Variants in TENM2 observed in about 807,000 individuals in gnomAD.
The protein encoded by TENM2 is teneurin-2.
TENM2 carries 52 observed loss-of-function variants against 245.2 expected under a neutral mutation model. That is an observed-to-expected ratio of 0.21 (90% CI 0.17 to 0.27). The LOEUF (loss-of-function observed/expected upper bound fraction) is 0.27. Ranked by LOEUF, TENM2 falls within the 10% of genes least tolerant of loss-of-function variation. The pLI is 1.00. For missense variants in TENM2, 3,046 were observed against 3,666.8 expected (o/e 0.83, Z 4.37); for synonymous variants, 1,363 against 1,438.9 (o/e 0.95, Z 1.19).
At chr5:167,275,929 C>A in the TENM2 span, among the ~76,000 whole-genome samples, 2 of 152,034 alleles carry the variant, frequency 1.3e-5, no homozygotes, top group Non-Finnish European at 2.9e-5. Context: ...ACATCATTAT[C>A]TCTTTGAATT....
chr5:167,405,794 A>ACACACACACACACACACACACG (rs1258355219), intron 2 of TENM2, among the ~76,000 whole-genome samples: 1 of 151,610 alleles, frequency 6.6e-6, no homozygotes, highest in Non-Finnish European at 1.5e-5. Context: ...ACACACACAC[A>ACACACACACACACACACACACG]CACACGCACA....
intron 2 of TENM2, among the ~76,000 whole-genome samples, chr5:167,590,386 T>C (rs1775798963): frequency 6.6e-6 from 1 of 152,058 alleles, no homozygotes; most frequent in African/African-American, 2.4e-5. Context: ...TAAAAAATAA[T>C]GTTATAATGA....
chr5:167,750,326 T>C (rs756140374), intron 2 of TENM2, among the ~76,000 whole-genome samples: 17 of 152,122 alleles, frequency 1.1e-4, no homozygotes, highest in Non-Finnish European at 2.5e-4. Flanking sequence ...TGCCAGGCGT[T>C]GACAGGGTAG....
At chr5:167,837,572 T>C (rs1769115274) in intron 2 of TENM2, among the ~76,000 whole-genome samples, 1 of 152,238 alleles carries the variant, frequency 6.6e-6, no homozygotes, top group Non-Finnish European at 1.5e-5. Flanking sequence ...CATTTTTATG[T>C]ATTAAGGAGA....
chr5:167,969,123 T>C (rs1247189694), intron 4 of TENM2, among the ~76,000 whole-genome samples: 1 of 152,206 alleles, frequency 6.6e-6, no homozygotes, highest in Non-Finnish European at 1.5e-5. Context: ...GTTATCTGAA[T>C]TAAAGCCCTT....
the TENM2 span, among the ~76,000 whole-genome samples, chr5:167,101,841 A>ATATATATT: frequency 9.9e-6 from 1 of 101,090 alleles, no homozygotes; most frequent in Non-Finnish European, 1.9e-5. Context: ...ACATTTATAT[A>ATATATATT]TATATATTTA....
intron 5 of TENM2, among the ~76,000 whole-genome samples, chr5:168,042,490 C>A (rs377364908): frequency 9.9e-5 from 15 of 152,218 alleles, no homozygotes; most frequent in African/African-American, 3.6e-4. Flanking sequence ...CTAAGTGGCA[C>A]CCAGCAGGGC....
chr5:167,231,148 G>C, the TENM2 span, among the ~76,000 whole-genome samples: 31,684 of 152,148 alleles, frequency 0.21, 3,876 homozygotes, highest in African/African-American at 0.34. Flanking sequence ...TTACCAGTCT[G>C]AGGTATTTCT....
intron 1 of TENM2, among the ~76,000 whole-genome samples, chr5:167,349,073 A>C (rs1758653871): frequency 6.6e-6 from 1 of 152,212 alleles, no homozygotes; most frequent in African/African-American, 2.4e-5. Flanking sequence ...CAATTGAATT[A>C]ACTTTAGTAA....
chr5:167,227,424 T>C, the TENM2 span, among the ~76,000 whole-genome samples: 3 of 152,318 alleles, frequency 2.0e-5, no homozygotes, highest in African/African-American at 7.2e-5. Context: ...AAAACCCTCT[T>C]GAGCGTTTCT....
intron 1 of TENM2, among the ~76,000 whole-genome samples, chr5:167,353,195 T>C (rs1759041089): frequency 6.6e-6 from 1 of 152,026 alleles, no homozygotes; most frequent in South Asian, 2.1e-4. Context: ...CAAAAATAAA[T>C]ACATAAATAA....
chr5:167,181,395 A>C, the TENM2 span, among the ~76,000 whole-genome samples: 1 of 148,518 alleles, frequency 6.7e-6, no homozygotes, highest in Non-Finnish European at 1.5e-5. Context: ...TTGAATCAAC[A>C]CAAGTGTTTA....
chr5:168,155,892 T>TAAAAAAAAAAAAAAAA (rs55977607), intron 12 of TENM2, among the ~76,000 whole-genome samples: 2 of 96,930 alleles, frequency 2.1e-5, no homozygotes, highest in African/African-American at 7.3e-5. Context: ...CTGGCATCTG[T>TAAAAAAAAAAAAAAAA]AAAAAAAAAA....
the TENM2 span, among the ~76,000 whole-genome samples, chr5:167,150,164 T>C: frequency 6.6e-6 from 1 of 152,176 alleles, no homozygotes; most frequent in Non-Finnish European, 1.5e-5. Flanking sequence ...AAAGACACCA[T>C]CCACTTTCTT....
chr5:167,273,026 T>G, the TENM2 span, among the ~76,000 whole-genome samples: 175 of 152,134 alleles, frequency 1.2e-3, no homozygotes, highest in African/African-American at 3.8e-3. Flanking sequence ...ACACACACTT[T>G]CACACACATA....
intron 5 of TENM2, among the ~76,000 whole-genome samples, chr5:167,994,052 A>G (rs1228538034): frequency 2.0e-5 from 3 of 152,274 alleles, no homozygotes; most frequent in Non-Finnish European, 4.4e-5. Flanking sequence ...AAGAGCCCCA[A>G]GGCTGCTGCT....
intron 2 of TENM2, among the ~76,000 whole-genome samples, chr5:167,859,663 T>C: frequency 9.5e-6 from 1 of 104,928 alleles, no homozygotes; most frequent in Non-Finnish European, 1.9e-5. Context: ...GGGGTGCCTC[T>C]GCCCAGCCGC....
At chr5:168,227,398 C>CATT (rs1764301477) in intron 24 of TENM2, among the ~76,000 whole-genome samples, 1 of 152,062 alleles carries the variant, frequency 6.6e-6, no homozygotes, top group African/African-American at 2.4e-5. Context: ...TTCTTCTCTC[C>CATT]ATTTTCTCAA....
chr5:167,182,764 C>T, the TENM2 span, among the ~76,000 whole-genome samples: 2 of 152,118 alleles, frequency 1.3e-5, no homozygotes, highest in East Asian at 3.9e-4. Context: ...CCAGATCCCA[C>T]TCCTCCACTG....
Sources: allele counts gnomAD v4.1 joint callset (sites outside exome capture counted in the v4.1 genomes callset), GRCh38; gene constraint gnomAD v4.1.1; transcripts MANE v1.5; gene names NCBI Gene and HGNC (gene_info 2026-07-23, HGNC 2026-07-21).